Variants in KLF8 observed in about 807,000 individuals in gnomAD.
KLF8 encodes the protein KLF transcription factor 8, also known as Krueppel-like factor 8.
KLF8 carries 10 observed loss-of-function variants against 18.2 expected under a neutral mutation model. The ratio of observed to expected loss-of-function variants is 0.55; its 90% CI spans 0.34 to 0.93. The LOEUF is 0.93. Ranked by LOEUF, KLF8 falls within the 40% of genes least tolerant of loss-of-function variation. The probability of loss-of-function intolerance (pLI) is 0.02; values close to 1 mark genes in which losing one functional copy is unlikely to be tolerated. For synonymous variants in KLF8, 109 were observed against 97.3 expected, an observed-to-expected ratio of 1.12 and a Z score of -0.71; for missense variants, 264 against 277.9, an observed-to-expected ratio of 0.95 and a Z score of 0.36.
the KLF8 span, among the ~76,000 whole-genome samples, chrX:56,079,806 G>A: frequency 9.1e-6 from 1 of 110,263 alleles, no homozygotes; most frequent in Non-Finnish European, 1.9e-5. Context: ...GGTCACTCAG[G>A]ACTTGCTTTA....
the KLF8 span, among the ~76,000 whole-genome samples, chrX:56,060,134 G>C: frequency 1.8e-5 from 2 of 111,626 alleles, no homozygotes; most frequent in Non-Finnish European, 3.8e-5. Flanking sequence ...ATCTGCAAAA[G>C]AGACAATCTG....
At chrX:56,075,965 C>T in the KLF8 span, among the ~76,000 whole-genome samples, 1 of 101,743 alleles carries the variant, frequency 9.8e-6, no homozygotes, top group Non-Finnish European at 2.1e-5. Context: ...ATACTCCCCC[C>T]ACACCAGAAC....
At chrX:56,209,818 T>C in the KLF8 span, among the ~76,000 whole-genome samples, 1 of 111,548 alleles carries the variant, frequency 9.0e-6, no homozygotes, top group Non-Finnish European at 1.9e-5. Flanking sequence ...TGGTTTGTGG[T>C]TACCATGAGG....
chrX:56,164,722 G>T, the KLF8 span, among the ~76,000 whole-genome samples: 176 of 36,812 alleles, frequency 4.8e-3, no homozygotes, highest in Middle Eastern at 0.031. Context: ...TTTCTTTCTT[G>T]TTATCTCTTT....
chrX:56,035,818 G>C, the KLF8 span, among the ~76,000 whole-genome samples: 1 of 111,491 alleles, frequency 9.0e-6, no homozygotes, highest in African/African-American at 3.3e-5. Flanking sequence ...TAATTGGATT[G>C]TTTGGCTTTT....
At chrX:56,071,156 C>T in the KLF8 span, among the ~76,000 whole-genome samples, 1 of 111,540 alleles carries the variant, frequency 9.0e-6, no homozygotes, top group Admixed American at 9.5e-5. Context: ...ATTTTGATGT[C>T]ATAAAGTCAA....
At chrX:56,108,468 CT>C in the KLF8 span, among the ~76,000 whole-genome samples, 2 of 111,404 alleles carry the variant, frequency 1.8e-5, no homozygotes, top group Non-Finnish European at 3.8e-5. Context: ...ATTATGTTAT[CT>C]TTTTTCATAT....
At chrX:56,083,410 C>T in the KLF8 span, among the ~76,000 whole-genome samples, 1 of 111,779 alleles carries the variant, frequency 8.9e-6, no homozygotes, top group Non-Finnish European at 1.9e-5. Context: ...AAATATTGTG[C>T]TAGCATTATT....
intron 2 of KLF8, among the ~76,000 whole-genome samples, chrX:56,262,442 T>C (rs1212441329): frequency 2.7e-5 from 3 of 111,781 alleles, no homozygotes; most frequent in Admixed American, 9.5e-5. Context: ...CTCATCTCAC[T>C]GAAATGGCCT....
At chrX:55,988,462 C>G in the KLF8 span, among the ~76,000 whole-genome samples, 2 of 111,808 alleles carry the variant, frequency 1.8e-5, no homozygotes, top group Non-Finnish European at 3.8e-5. Context: ...ATAAGGAATC[C>G]TTTCCCCATT....
the KLF8 span, among the ~76,000 whole-genome samples, chrX:56,046,526 A>T: frequency 4.5e-5 from 5 of 109,891 alleles, no homozygotes; most frequent in Non-Finnish European, 9.5e-5. Flanking sequence ...TGCGTTAAGG[A>T]GGTTCTATTT....
the KLF8 span, among the ~76,000 whole-genome samples, chrX:56,226,759 A>G: frequency 1.8e-5 from 2 of 112,243 alleles, no homozygotes; most frequent in African/African-American, 6.5e-5. Flanking sequence ...TGGATCAAAT[A>G]ATTTATTTCA....
chrX:56,051,777 G>T, the KLF8 span, among the ~76,000 whole-genome samples: 2 of 107,397 alleles, frequency 1.9e-5, no homozygotes, highest in South Asian at 7.7e-4. Flanking sequence ...GAGTATCTTT[G>T]TGGTGTTCTC....
chrX:56,034,174 G>A, the KLF8 span, among the ~76,000 whole-genome samples: 1 of 111,550 alleles, frequency 9.0e-6, no homozygotes, highest in Non-Finnish European at 1.9e-5. Context: ...TGTAATCCAT[G>A]GTGAGGTGAT....
the KLF8 span, among the ~76,000 whole-genome samples, chrX:56,217,550 G>C: frequency 9.1e-6 from 1 of 110,277 alleles, no homozygotes; most frequent in Admixed American, 9.7e-5. Context: ...GAGTAGCTAG[G>C]ACTACAAGCT....
chrX:56,149,737 C>T, the KLF8 span, among the ~76,000 whole-genome samples: 2 of 111,078 alleles, frequency 1.8e-5, no homozygotes, highest in South Asian at 7.6e-4. Context: ...TCAAATATTT[C>T]ACAAAGGTCC....
the KLF8 span, among the ~76,000 whole-genome samples, chrX:56,000,304 G>C: frequency 2.7e-5 from 3 of 109,747 alleles, no homozygotes; most frequent in Non-Finnish European, 5.7e-5. Flanking sequence ...TGTAGTTTTT[G>C]TGTGTGTGTG....
the KLF8 span, among the ~76,000 whole-genome samples, chrX:56,145,209 A>G: frequency 8.9e-6 from 1 of 112,304 alleles, no homozygotes; most frequent in Non-Finnish European, 1.9e-5. Flanking sequence ...GCCAACAAGC[A>G]CATGAAAAGA....
At chrX:56,171,991 A>T in the KLF8 span, among the ~76,000 whole-genome samples, 1 of 111,910 alleles carries the variant, frequency 8.9e-6, no homozygotes, top group African/African-American at 3.2e-5. Context: ...TCCCACCAAC[A>T]GTGTAAAAGC....
Sources: gnomAD v4.1 joint callset for allele counts (sites outside exome capture counted in the v4.1 genomes callset) on GRCh38, gnomAD v4.1.1 for gene constraint, MANE v1.5 for transcripts, NCBI Gene and HGNC (gene_info 2026-07-23, HGNC 2026-07-21) for gene names.